MECOM: variants seen among roughly 807,000 people sequenced by gnomAD.
MECOM encodes histone-lysine N-methyltransferase MECOM.
MECOM carries 13 observed loss-of-function variants against 116.3 expected under a neutral mutation model. The observed-to-expected ratio is 0.11, with a 90% CI of 0.07 to 0.18. The LOEUF is 0.18. MECOM is among the 10% of genes least tolerant of loss of function. MECOM has a pLI of 1.00. For missense variants in MECOM, 1,299 were observed against 1,509.0 expected, an observed-to-expected ratio of 0.86 and a Z score of 2.31; for synonymous variants, 528 against 535.2, an observed-to-expected ratio of 0.99 and a Z score of 0.19.
chr3:169,100,455 TG>T (rs1325637085), intron 12 of MECOM, among the ~76,000 whole-genome samples: 3 of 151,990 alleles, frequency 2.0e-5, no homozygotes, highest in African/African-American at 7.3e-5. Context: ...TTAGCTGTGC[TG>T]GGGGAAAAAA....
At chr3:169,483,998 A>T in intron 1 of MECOM, 2 of 1,596,674 alleles carry the variant, frequency 1.3e-6, no homozygotes, top group East Asian at 4.5e-5. Flanking sequence ...GAACTTCAGA[A>T]CTTGCTTCTT....
At chr3:169,273,167 A>G (rs1267732724) in intron 2 of MECOM, among the ~76,000 whole-genome samples, 11 of 152,180 alleles carry the variant, frequency 7.2e-5, no homozygotes, top group Admixed American at 7.2e-4. Flanking sequence ...GTGGGCACTT[A>G]GAACACATTT....
intron 2 of MECOM, among the ~76,000 whole-genome samples, chr3:169,214,022 T>G (rs1182773681): frequency 6.6e-6 from 1 of 152,124 alleles, no homozygotes; most frequent in Non-Finnish European, 1.5e-5. Flanking sequence ...GAACAAAGAA[T>G]TAGCAATAAT....
chr3:169,292,859 C>T (rs934136741), intron 2 of MECOM, among the ~76,000 whole-genome samples: 1 of 152,112 alleles, frequency 6.6e-6, no homozygotes, highest in Non-Finnish European at 1.5e-5. Context: ...AATTTAGAGG[C>T]ATGTGGGGCA....
chr3:169,287,998 A>T (rs1188005732), intron 2 of MECOM, among the ~76,000 whole-genome samples: 2 of 152,224 alleles, frequency 1.3e-5, no homozygotes, highest in Non-Finnish European at 2.9e-5. Flanking sequence ...TCTGCTCATT[A>T]TTCAACAGTG....
chr3:169,362,226 A>T lies in MECOM; in HGVS notation c.375+18961T>A, dbSNP rs187806721. Among the ~76,000 whole-genome samples the T allele has an allele frequency of 2.0e-4, 31 of 152,018 alleles. 1 individual carries two copies. In the East Asian group the frequency reaches 5.8e-3, roughly 29 times the overall value. On this transcript the variant is annotated intron_variant, in intron 2 of 16. Coordinates refer to ENST00000651503, the MANE Select transcript of MECOM (RefSeq NM_004991.4). ...TATTGTTGTTGGTGGGCTTTTCTCA[A>T]CAACAACAATAAATTAAAACCTCCA...
intron 1 of MECOM, among the ~76,000 whole-genome samples, chr3:169,652,163 A>T (rs1775000532): frequency 6.6e-6 from 1 of 152,148 alleles, no homozygotes; most frequent in East Asian, 1.9e-4. Context: ...TTGTATGAAA[A>T]TGTTTCTTGC....
intron 1 of MECOM, among the ~76,000 whole-genome samples, chr3:169,399,286 G>A (rs750610941): frequency 2.6e-5 from 4 of 152,098 alleles, no homozygotes; most frequent in African/African-American, 4.8e-5. Context: ...GAGGAGTTTC[G>A]TTTTTGAAAG....
At chr3:169,216,395 T>C (rs1323499506) in intron 2 of MECOM, among the ~76,000 whole-genome samples, 1 of 152,166 alleles carries the variant, frequency 6.6e-6, no homozygotes, top group Admixed American at 6.5e-5. Context: ...TCTAGTGGTG[T>C]TTAGGCATAG....
chr3:169,441,553 T>C (rs2108613509), intron 1 of MECOM, among the ~76,000 whole-genome samples: 1 of 152,184 alleles, frequency 6.6e-6, no homozygotes, highest in East Asian at 1.9e-4. Flanking sequence ...AAATCTGAGA[T>C]GCACAACATC....
intron 1 of MECOM, among the ~76,000 whole-genome samples, chr3:169,453,983 C>T (rs1746039922): frequency 6.6e-6 from 1 of 152,106 alleles, no homozygotes; most frequent in Admixed American, 6.6e-5. Flanking sequence ...TCAGAGCCTT[C>T]CTTTCTTTGT....
chr3:169,324,818 G>T (rs763301472), intron 2 of MECOM, among the ~76,000 whole-genome samples: 63 of 152,218 alleles, frequency 4.1e-4, no homozygotes, highest in Non-Finnish European at 7.3e-4. Context: ...TGTTCTGACA[G>T]CTAGAAGATT....
chr3:169,565,967 A>C (rs903957673), intron 1 of MECOM: 4 of 446,784 alleles, frequency 9.0e-6, no homozygotes, highest in Non-Finnish European at 1.8e-5. Flanking sequence ...TAATCAACTC[A>C]CAGTTCTGTG....
At chr3:169,215,122 C>G (rs193123130) in intron 2 of MECOM, among the ~76,000 whole-genome samples, 3 of 150,764 alleles carry the variant, frequency 2.0e-5, no homozygotes, top group African/African-American at 7.3e-5. Context: ...CTATTCCTTG[C>G]ACAATATTCC....
chr3:169,233,718 C>T (rs1344999241), intron 2 of MECOM, among the ~76,000 whole-genome samples: 1 of 152,018 alleles, frequency 6.6e-6, no homozygotes, highest in African/African-American at 2.4e-5. Flanking sequence ...AAAAAAGAAC[C>T]ATAGCCAAAA....
At chr3:169,584,381 C>G (rs540870645) in intron 1 of MECOM, among the ~76,000 whole-genome samples, 1 of 150,946 alleles carries the variant, frequency 6.6e-6, no homozygotes, top group South Asian at 2.1e-4. Flanking sequence ...TTGGCTAACA[C>G]GGTGAAACCC....
chr3:169,622,116 T>C (rs1770809300), intron 1 of MECOM, among the ~76,000 whole-genome samples: 1 of 152,136 alleles, frequency 6.6e-6, no homozygotes, highest in Admixed American at 6.5e-5. Context: ...TGAGAAGAAG[T>C]TTCACTCTTG....
intron 2 of MECOM, among the ~76,000 whole-genome samples, chr3:169,217,013 T>C (rs541948715): frequency 2.6e-4 from 40 of 152,314 alleles, no homozygotes; most frequent in African/African-American, 9.1e-4. Context: ...TATGATACCA[T>C]AGAGAACAAC....
intron 2 of MECOM, among the ~76,000 whole-genome samples, chr3:169,148,090 G>C (rs528294506): frequency 6.6e-6 from 1 of 152,068 alleles, no homozygotes; most frequent in Non-Finnish European, 1.5e-5. Flanking sequence ...GTCAGAGGAA[G>C]GGCGTGCAAA....
Sources: gnomAD v4.1 joint callset for allele counts (sites outside exome capture counted in the v4.1 genomes callset) on GRCh38, gnomAD v4.1.1 for gene constraint, MANE v1.5 for transcripts, NCBI Gene and HGNC (gene_info 2026-07-23, HGNC 2026-07-21) for gene names.